TTN: variants seen among roughly 807,000 people sequenced by gnomAD.
TTN encodes the protein connectin.
In TTN, 1,525 loss-of-function variants were observed where a neutral mutation model predicts 3,223.0. The observed-to-expected ratio is 0.47, with a 90% CI of 0.45 to 0.49. The LOEUF (loss-of-function observed/expected upper bound fraction) is 0.49, where lower values mean the gene tolerates loss of function less well. Among genes scored for constraint, TTN ranks in the 20% least tolerant of loss-of-function variants. TTN has a pLI of 0.00. For missense variants in TTN, 40,786 were observed against 43,424.0 expected, an observed-to-expected ratio of 0.94 and a Z score of 5.40; for synonymous variants, 14,094 against 15,161.0, an observed-to-expected ratio of 0.93 and a Z score of 5.17.
At chr2:178,754,764 G>GACCTC (rs2086481201) in intron 46 of TTN, among the ~76,000 whole-genome samples, 2 of 152,266 alleles carry the variant, frequency 1.3e-5, no homozygotes, top group Middle Eastern at 6.8e-3. Flanking sequence ...TACATAACTA[G>GACCTC]ACCTCAGTTC....
chr2:178,745,751 T>A (rs975507986), intron 47 of TTN: 45 of 1,612,880 alleles, frequency 2.8e-5, no homozygotes, highest in Non-Finnish European at 3.8e-5. Flanking sequence ...TAATTTTCCA[T>A]CTTTGTACCA....
rs188711353 is a variant in TTN at position 178,574,106 on chromosome 2, C to G, written c.72026G>C (p.Ser24009Thr). 6.2e-7 allele frequency: 1 copy of G among 1,613,604 alleles called. No individual in the cohort carries two copies. The highest frequency in any genetic ancestry group is 1.3e-5 in the African/African-American group (1 of 75,032). ...AGCATCAGATGGCTCAGATGGTGGA[C>G]TGATGGCACCTGCAGCATTTTTGGC... ...VIAKNAAGAI[S>T]PPSEPSDAIT... Residue 24009 changes from serine to threonine, a missense_variant, in exon 326 of 363, where the codon AGT becomes ACT. Ser to Thr is a moderately conservative substitution (Grantham distance 58). Transcript: ENST00000589042.
chr2:178,566,473 G>A lies in TTN; in HGVS notation c.79659C>T (p.Leu26553=). ...LRVTRFEISK[L]TEHQEYKIRV... is the part of the protein sequence containing the mutation. ...GTATTTTATACTCTTGGTGTTCAGT[G>A]AGTTTTGAAATTTCAAATCGAGTGA... is the stretch of plus-strand genomic sequence containing the variant. Residue 26553 remains leucine, a synonymous_variant, in exon 326 of 363, where the codon CTC becomes CTT. Coordinates refer to ENST00000589042, the MANE Select transcript of TTN (RefSeq NM_001267550.2). 1 of 1,613,464 alleles carries A rather than the reference G, an allele frequency of 6.2e-7. No individual in the cohort carries two copies. The highest frequency in any genetic ancestry group is 1.3e-5 in the African/African-American group (1 of 75,020).
rs1285180382 is a variant in TTN, at chr2:178,561,164, T to A, written c.84968A>T (p.Tyr28323Phe). 33 of 1,613,608 alleles carry A rather than the reference T, an allele frequency of 2.0e-5. 2 individuals carry two copies. The Admixed American group carries it at 5.3e-4, about 26-fold the overall frequency. Residue 28323 changes from tyrosine to phenylalanine, a missense_variant, in exon 326 of 363, where the codon TAT (tyrosine) becomes TTT (phenylalanine). Physicochemically the swap from Tyr to Phe is conservative, Grantham distance 22 (BLOSUM62 3). Coordinates refer to ENST00000589042, the MANE Select transcript of TTN (RefSeq NM_001267550.2). ...ATTCCTTGCAAAAACCCGGAATTCA[T>A]AACGCTGATCTTCAGTAAGTTCAGT... ...EVTELTEDQR[Y>F]EFRVFARNAA... is the part of the protein sequence containing the mutation.
Position 178,599,815 on chromosome 2 carries a change from C to A in TTN, c.56086G>T (p.Val18696Phe), listed in dbSNP as rs1433208414. 2 of 1,601,416 alleles carry A rather than the reference C, an allele frequency of 1.2e-6. No homozygotes were observed. The highest frequency in any genetic ancestry group is 1.7e-5 in the Admixed American group (1 of 57,764). Reference protein sequence around the residue: ...PSIDLKEFMEVEEGTNVNIVA... With the variant: ...PSIDLKEFMEFEEGTNVNIVA... ...ATGTTAACATTGGTTCCTTCTTCAA[C>A]CTCCATGAATTCTTTTAGATCAATT... The change falls in exon 289 of 363, where the codon GTT (valine) becomes TTT (phenylalanine). Residue 18696 changes from valine (V) to phenylalanine (F), a missense_variant. By Grantham distance (50) the Val-to-Phe change is conservative. Transcript: ENST00000589042.
chr2:178,719,589 C>A lies in TTN; in HGVS notation c.23903G>T (p.Gly7968Val). 1.2e-6 allele frequency: 2 copies of A among 1,611,710 alleles called. No homozygotes were observed. Among genetic ancestry groups the A allele is most frequent in the African/African-American group, 2.7e-5 (2 of 74,994 alleles). ...LYSFEVKNSV[G>V]KSNCTVSVHV... Reference sequence around the variant, plus strand: ...GACGGATACAGTGCAGTTACTTTTGCCAACACTGTTTTTCACTTCAAAGCT... The same window carrying A: ...GACGGATACAGTGCAGTTACTTTTGACAACACTGTTTTTCACTTCAAAGCT... The change falls in exon 82 of 363, where the codon GGC becomes GTC. Residue 7968 changes from glycine to valine, a missense_variant. Gly to Val is a moderately radical substitution (Grantham distance 109, BLOSUM62 -3). Coordinates refer to ENST00000589042, the MANE Select transcript of TTN (RefSeq NM_001267550.2).
chr2:178,774,337 A>T lies in TTN; in HGVS notation c.6927T>A (p.Asn2309Lys), dbSNP rs147580120. 1.2e-5 allele frequency: 19 copies of T among 1,614,086 alleles called. No individual in the cohort carries two copies. The African/African-American group carries it at 2.4e-4, about 20-fold the overall frequency. The part of the protein sequence containing the change: ...WYHNDVELKS[N>K]GKYTITSRRG... The stretch of plus-strand genomic sequence containing the variant: ...GACGAGATGTAATTGTATATTTGCC[A>T]TTGGATTTAAGCTCCACATCATTAT... The change falls in exon 30 of 363, where the codon AAT becomes AAA. Residue 2309 changes from asparagine to lysine, a missense_variant. Coordinates refer to ENST00000589042, the MANE Select transcript of TTN (RefSeq NM_001267550.2).
At chr2:178,780,260 AC>A in intron 21 of TTN, 55 bp from the exon 22 acceptor site, 6 of 1,472,492 alleles carry the variant, frequency 4.1e-6, no homozygotes, top group Non-Finnish European at 5.7e-6. Flanking sequence ...AAACAGTCAT[AC>A]CACTATGCAT....
chr2:178,733,983 A>C (rs1375630706), intron 52 of TTN, 91 bp from the exon 53 acceptor site: 1 of 1,260,076 alleles, frequency 7.9e-7, no homozygotes, highest in Non-Finnish European at 1.1e-6. Flanking sequence ...GATTATATTT[A>C]TCTTGTCCCA....
Position 178,604,725 on chromosome 2 carries a change from C to T in TTN, c.54364G>A (p.Val18122Ile), listed in dbSNP as rs563319285. ...AEWEEVTNTAVEKRYGIWKLI... is the reference protein window; with the variant it reads ...AEWEEVTNTAIEKRYGIWKLI... ...GAGTTTACCCCATATCTTTTCTCTA[C>T]AGCAGTGTTGGTGACTTCCTCCCAT... is the stretch of plus-strand genomic sequence containing the variant. Residue 18122 changes from valine to isoleucine, a missense_variant, in exon 281 of 363, where the codon GTA (valine) becomes ATA (isoleucine). Coordinates refer to ENST00000589042, the MANE Select transcript of TTN (RefSeq NM_001267550.2). 30 of 1,610,598 alleles carry T rather than the reference C, an allele frequency of 1.9e-5. No individual in the cohort carries two copies. The South Asian group carries it at 3.1e-4, about 17-fold the overall frequency.
chr2:178,553,891 A>T, intron 333 of TTN, 23 bp downstream of exon 333: 1 of 1,569,936 alleles, frequency 6.4e-7, no homozygotes, highest in African/African-American at 1.4e-5. Flanking sequence ...ACAGGTGAAG[A>T]TGCTGCAGGT....
At chr2:178,583,524 G>T (rs1409468321) in intron 312 of TTN, 83 bp downstream of exon 312, 17 of 1,331,740 alleles carry the variant, frequency 1.3e-5, no homozygotes, top group African/African-American at 1.5e-5. Flanking sequence ...TTTTCCTTAG[G>T]TGTATATTTA....
chr2:178,607,454 G>T lies in TTN; in HGVS notation c.53234C>A (p.Thr17745Lys), dbSNP rs879245504. 1 of 1,613,184 alleles carries T rather than the reference G, an allele frequency of 6.2e-7. No individual in the cohort carries two copies. Among genetic ancestry groups the T allele is most frequent in the Admixed American group, 1.7e-5 (1 of 59,972 alleles). Residue 17745 changes from threonine to lysine, a missense_variant, in exon 277 of 363, where the codon ACA (threonine) becomes AAA (lysine). Physicochemically the swap from Thr to Lys is moderately conservative, Grantham distance 78 (BLOSUM62 -1). Coordinates refer to ENST00000589042, the MANE Select transcript of TTN (RefSeq NM_001267550.2). ...LRKDHGRYVI[T>K]ATNSCGSKFA... ...TTTGGAACCACAGCTATTTGTAGCT[G>T]TAATCACATATCTGCCATGGTCTTT...
At chr2:178,666,238 C>T (rs995621538) in intron 163 of TTN, among the ~76,000 whole-genome samples, 1 of 151,854 alleles carries the variant, frequency 6.6e-6, no homozygotes, top group Non-Finnish European at 1.5e-5. Flanking sequence ...TCAAAATATT[C>T]AGATATTCTT....
At chr2:178,675,817 G>A in intron 148 of TTN, 63 bp from the exon 149 acceptor site, 1 of 1,523,318 alleles carries the variant, frequency 6.6e-7, no homozygotes, top group Non-Finnish European at 8.9e-7. Flanking sequence ...AGTAGACACA[G>A]CAGTAATATA....
In TTN at chr2:178,732,330, CA is replaced by C; in HGVS notation, c.16638del (p.Glu5547LysfsTer3). 1 of 1,602,024 alleles carries C rather than the reference CA, an allele frequency of 6.2e-7. No homozygotes were observed. Among genetic ancestry groups the C allele is most frequent in the Non-Finnish European group, 8.5e-7 (1 of 1,173,136 alleles). The stretch of plus-strand genomic sequence containing the variant: ...AACAGCTGTGATGGCTCTAACTTTT[CA>C]ACAAATGTGGCAGGTTCTGTGGAAG... ...NLFVKEPATFVEKLEPSQLLK... is the reference protein window; with the variant it reads ...NLFVKEPATFXEKLEPSQLLK... On this transcript the variant is annotated frameshift_variant, in exon 57 of 363. Coordinates refer to ENST00000589042, the MANE Select transcript of TTN (RefSeq NM_001267550.2). LOFTEE classifies it high-confidence loss of function.
rs182148226 is a variant in TTN, at chr2:178,602,892, T to C, written c.54812-302A>G. 2.0e-5 allele frequency among the ~76,000 whole-genome samples: 3 copies of C among 152,108 alleles called. No individual in the cohort carries two copies. In the East Asian group the frequency reaches 5.8e-4, roughly 30 times the overall value. The stretch of plus-strand genomic sequence containing the variant: ...GTAAAAAACTACTTTACTTTTGAGA[T>C]CCCTTTGAAGAAATTCTACAATAGC... On this transcript the variant is annotated intron_variant, in intron 282 of 362. Transcript: ENST00000589042.
At chr2:178,618,958 A>G in intron 250 of TTN, 105 bp from the exon 251 acceptor site, 1 of 1,416,634 alleles carries the variant, frequency 7.1e-7, no homozygotes, top group South Asian at 1.4e-5. Context: ...TAACCTTGGA[A>G]GTAAGCTACA....
Position 178,663,633 on chromosome 2 carries a change from C to T in TTN, c.36526G>A (p.Val12176Ile), listed in dbSNP as rs1025297227. 4 of 1,613,442 alleles carry T rather than the reference C, an allele frequency of 2.5e-6. No individual in the cohort carries two copies. The highest frequency in any genetic ancestry group is 1.3e-5 in the African/African-American group (1 of 74,846). ...TAAAATCAGTGACAAATACCTTTAA[C>T]AGGTGGGACTTCAGGCTCTTTAGGA... ...APPKEPEVPP[V>I]KVPEAPKEVV... Residue 12176 changes from valine (V) to isoleucine (I), a missense_variant, in exon 171 of 363, where the codon GTT becomes ATT. By Grantham distance (29) the Val-to-Ile change is conservative. Transcript: ENST00000589042.
Sources: allele counts gnomAD v4.1 joint callset (sites outside exome capture counted in the v4.1 genomes callset), GRCh38; gene constraint gnomAD v4.1.1; transcripts MANE v1.5; gene names NCBI Gene and HGNC (gene_info 2026-07-23, HGNC 2026-07-21).